The following PI4KA variants were observed in gnomAD, a reference collection of about 807,000 sequenced individuals.
PI4KA encodes phosphatidylinositol 4-kinase alpha, also known as PI4-kinase alpha.
In PI4KA, 122 loss-of-function variants were observed where a neutral mutation model predicts 271.4. The ratio of observed to expected loss-of-function variants is 0.45; its 90% CI spans 0.39 to 0.52. The LOEUF (loss-of-function observed/expected upper bound fraction) is 0.52. PI4KA is among the 20% of genes least tolerant of loss of function. The pLI, the probability that PI4KA is intolerant of heterozygous loss-of-function variation, is 0.00. For missense variants in PI4KA, 1,969 were observed against 2,769.1 expected, an observed-to-expected ratio of 0.71 and a Z score of 6.48; for synonymous variants, 1,041 against 1,078.8, an observed-to-expected ratio of 0.96 and a Z score of 0.69.
At chr22:20,724,432 C>T (rs908484380) in intron 42 of PI4KA, among the ~76,000 whole-genome samples, 2 of 151,620 alleles carry the variant, frequency 1.3e-5, no homozygotes, top group African/African-American at 4.9e-5. Flanking sequence ...CATGGTGAAA[C>T]CCTGTCTCCA....
At position 20,858,608 on chromosome 22, in the gene PI4KA, G is replaced by A. The variant is rs1463723399; in HGVS notation, c.118C>T (p.Arg40Cys). The change falls in exon 1 of 55, where the codon CGC becomes TGC. Residue 40 changes from arginine (R) to cysteine (C), a missense_variant. By Grantham distance (180) the Arg-to-Cys change is radical. This residue lies in a region of PI4KA where 540 missense variants were observed against 555.5 expected (regional missense o/e 0.97). Coordinates refer to ENST00000255882, the MANE Select transcript of PI4KA (RefSeq NM_058004.4). The stretch of plus-strand genomic sequence containing the variant: ...GCTGGTCTCTGCACCGCCAGGGAGC[G>A]GGCCAGTGACAGGACCGTGTTGAAA... ...FYFNTVLSLA[R>C]SLAVQRPASL... The A allele has an allele frequency of 2.7e-6, 4 of 1,478,566 alleles. No individual in the cohort carries two copies. Among genetic ancestry groups the A allele is most frequent in the Non-Finnish European group, 2.7e-6 (3 of 1,119,446 alleles). The allele number at this position is 1,478,566 out of a possible 1,614,324, so 91.6% of individuals were successfully genotyped here.
chr22:20,720,758 T>G (rs1771646467), intron 43 of PI4KA, among the ~76,000 whole-genome samples: 2 of 152,224 alleles, frequency 1.3e-5, no homozygotes, highest in Admixed American at 1.3e-4. Flanking sequence ...TTTGGCTCAT[T>G]TTTTAGTTTT....
intron 1 of PI4KA, among the ~76,000 whole-genome samples, chr22:20,846,486 A>G (rs187850651): frequency 2.0e-5 from 3 of 152,206 alleles, no homozygotes; most frequent in East Asian, 1.9e-4. Flanking sequence ...ATGAGAACAC[A>G]GGAACACACA....
At chr22:20,719,609 G>A (rs1421830299) in intron 43 of PI4KA, among the ~76,000 whole-genome samples, 2 of 151,956 alleles carry the variant, frequency 1.3e-5, no homozygotes, top group African/African-American at 4.8e-5. Flanking sequence ...TAGCTATTCA[G>A]ACTTAGGGAT....
At chr22:20,768,264 C>T (rs1024132745) in intron 19 of PI4KA, among the ~76,000 whole-genome samples, 1 of 151,928 alleles carries the variant, frequency 6.6e-6, no homozygotes, top group Non-Finnish European at 1.5e-5. Flanking sequence ...TAGAGAAAGG[C>T]TCTCACTATG....
rs1266207429 is a variant in PI4KA, at chr22:20,786,038, GAGA to G, written c.2328+7152_2328+7154del. On this transcript the variant is annotated intron_variant, in intron 19 of 54. Coordinates refer to ENST00000255882, the MANE Select transcript of PI4KA (RefSeq NM_058004.4). Reference sequence around the variant, plus strand: ...AGTGCTTCTGCCGAAATTCAAGCTGGAGAAGAACTACAATCTAGTGGAGTCCCT... The same window carrying G: ...AGTGCTTCTGCCGAAATTCAAGCTGGAGAACTACAATCTAGTGGAGTCCCT... 1.9e-6 allele frequency: 3 copies of G among 1,614,026 alleles called. No individual in the cohort carries two copies. The African/African-American group carries it at 4.0e-5, about 22-fold the overall frequency.
chr22:20,786,111 T>C (rs1934201163), intron 19 of PI4KA: 3 of 1,614,088 alleles, frequency 1.9e-6, no homozygotes, highest in South Asian at 1.1e-5. Flanking sequence ...AATGGCAACA[T>C]GGCAGGCATC....
rs774023662 is a variant in PI4KA, at chr22:20,805,014, G to A, written c.1320C>T (p.Ala440=). 1.2e-5 allele frequency: 20 copies of A among 1,613,984 alleles called. No homozygotes were observed. The Middle Eastern group carries it at 6.6e-4, about 53-fold the overall frequency. Residue 440 remains alanine, a synonymous_variant, in exon 11 of 55, where the codon GCC becomes GCT. Coordinates refer to ENST00000255882, the MANE Select transcript of PI4KA (RefSeq NM_058004.4). ...CAGCCCACACCATGAGGTCCACACAGGCAGCATTCGCCTGACAGCGCAGTT... is the reference window on the plus strand; with the variant it reads ...CAGCCCACACCATGAGGTCCACACAAGCAGCATTCGCCTGACAGCGCAGTT... ...PLKLRCQANA[A]CVDLMVWAVK...
At position 20,807,166 on chromosome 22, in the gene PI4KA, C is replaced by T. The variant is rs114393984; in HGVS notation, c.1168+196G>A. 3.3e-3 allele frequency among the ~76,000 whole-genome samples: 496 copies of T among 152,282 alleles called. 2 individuals carry two copies. The highest frequency in any genetic ancestry group is 0.011 in the African/African-American group (471 of 41,566). On this transcript the variant is annotated intron_variant, in intron 10 of 54. Transcript: ENST00000255882. ...GCAAAGGAGCCATCATCGATGGTAC[C>T]GGGGTTGCAGGATCATGGACAGATT...
At chr22:20,783,040 C>T (rs1933921331) in intron 19 of PI4KA, among the ~76,000 whole-genome samples, 1 of 152,206 alleles carries the variant, frequency 6.6e-6, no homozygotes, top group Admixed American at 6.5e-5. Context: ...ACAAAACGCA[C>T]ACAACTTGCA....
chr22:20,780,609 C>G (rs144086356), intron 19 of PI4KA, among the ~76,000 whole-genome samples: 37 of 152,014 alleles, frequency 2.4e-4, no homozygotes, highest in African/African-American at 8.4e-4. Context: ...AAACCTGGCT[C>G]TACTAAAAAT....
intron 42 of PI4KA, among the ~76,000 whole-genome samples, chr22:20,724,060 G>A (rs922235359): frequency 1.3e-4 from 19 of 151,636 alleles, no homozygotes; most frequent in Non-Finnish European, 4.4e-5. Context: ...GTATGGTCTC[G>A]ATCTCCTGAC....
intron 3 of PI4KA, among the ~76,000 whole-genome samples, chr22:20,828,646 C>T (rs1234482082): frequency 6.6e-6 from 1 of 151,930 alleles, no homozygotes; most frequent in African/African-American, 2.4e-5. Context: ...CCTCTGCCTC[C>T]CGGGTTCAAG....
At chr22:20,723,177 C>G (rs1421904658) in intron 42 of PI4KA, among the ~76,000 whole-genome samples, 1 of 151,772 alleles carries the variant, frequency 6.6e-6, no homozygotes, top group Non-Finnish European at 1.5e-5. Flanking sequence ...CCCACCAAGC[C>G]TGGCTAATCT....
chr22:20,737,099 G>C (rs1928825533), intron 32 of PI4KA, among the ~76,000 whole-genome samples: 1 of 152,220 alleles, frequency 6.6e-6, no homozygotes, highest in East Asian at 1.9e-4. Context: ...GCCACTGAAG[G>C]GATGCACCTG....
intron 2 of PI4KA, 75 bp downstream of exon 2, chr22:20,838,540 T>A (rs1925163244): frequency 1.2e-5 from 10 of 822,420 alleles, no homozygotes; most frequent in Non-Finnish European, 2.1e-5. Flanking sequence ...TAGGTAAATA[T>A]AAGCAGATAC....
At chr22:20,829,444 G>A (rs912991510) in intron 3 of PI4KA, among the ~76,000 whole-genome samples, 1 of 152,252 alleles carries the variant, frequency 6.6e-6, no homozygotes, top group East Asian at 1.9e-4. Flanking sequence ...TGTAGGCATA[G>A]AGGTGTTTGT....
In PI4KA at chr22:20,719,918, C is replaced by T. The variant is rs201433093; in HGVS notation, c.5117-1096G>A. On this transcript the variant is annotated intron_variant, in intron 43 of 54. Coordinates refer to ENST00000255882, the MANE Select transcript of PI4KA (RefSeq NM_058004.4). ...GCAGGCGCCTGTAGTCCCAGCTACT[C>T]GGGAGGCTGAGGCAGGAGAATGGCG... 2.0e-5 allele frequency among the ~76,000 whole-genome samples: 3 copies of T among 147,674 alleles called. No individual in the cohort carries two copies. In the Admixed American group the frequency reaches 2.1e-4, roughly 10 times the overall value.
rs55828046 is a variant in PI4KA, at chr22:20,737,572, C to T, written c.3742-3019G>A. ...CCCAGGTACAATGTGAGGGCTGACA[C>T]GTGGTCAGGAGCACCCCCAGTGCCC... On this transcript the variant is annotated intron_variant, in intron 32 of 54. Coordinates refer to ENST00000255882, the MANE Select transcript of PI4KA (RefSeq NM_058004.4). Among the ~76,000 whole-genome samples, 949 of 151,788 alleles carry T rather than the reference C, an allele frequency of 6.3e-3. 9 individuals carry two copies. Among genetic ancestry groups the T allele is most frequent in the African/African-American group, 0.021 (872 of 41,352 alleles).
Sources: allele counts gnomAD v4.1 joint callset (sites outside exome capture counted in the v4.1 genomes callset), GRCh38; gene constraint gnomAD v4.1.1; regional missense constraint gnomAD v4.1.1; transcripts MANE v1.5; gene names NCBI Gene and HGNC (gene_info 2026-07-23, HGNC 2026-07-21).